Variants in CDH12 observed in about 807,000 individuals in gnomAD.
CDH12 encodes the protein cadherin-12.
In CDH12, 41 loss-of-function variants were observed where a neutral mutation model predicts 74.1. The observed-to-expected ratio is 0.55, with a 90% confidence interval of 0.43 to 0.72. The LOEUF (loss-of-function observed/expected upper bound fraction) is 0.72. Ranked by LOEUF, CDH12 falls within the 30% of genes least tolerant of loss-of-function variation. The pLI is 0.00. For synonymous variants in CDH12, 399 were observed against 355.0 expected (o/e 1.12, Z -1.39); for missense variants, 945 against 977.2 (o/e 0.97, Z 0.44).
intron 1 of CDH12, among the ~76,000 whole-genome samples, chr5:22,588,983 C>G (rs980508990): frequency 3.3e-5 from 5 of 152,086 alleles, no homozygotes; most frequent in Admixed American, 3.3e-4. Flanking sequence ...TATAACAGCC[C>G]TGTGTTAGAT....
At chr5:22,790,068 G>A (rs1747831445) in intron 1 of CDH12, among the ~76,000 whole-genome samples, 1 of 152,034 alleles carries the variant, frequency 6.6e-6, no homozygotes, top group African/African-American at 2.4e-5. Flanking sequence ...CTGCTTTTAA[G>A]TCAAGTGATG....
intron 1 of CDH12, among the ~76,000 whole-genome samples, chr5:22,768,898 C>T (rs1315146297): frequency 6.6e-6 from 1 of 152,152 alleles, no homozygotes; most frequent in Non-Finnish European, 1.5e-5. Flanking sequence ...AGATGTTCCT[C>T]TTCTAATATC....
intron 4 of CDH12, among the ~76,000 whole-genome samples, chr5:22,149,146 A>G (rs1365379201): frequency 6.6e-6 from 1 of 152,150 alleles, no homozygotes; most frequent in East Asian, 1.9e-4. Context: ...GATACTAATC[A>G]TTGAATTTAG....
intron 2 of CDH12, among the ~76,000 whole-genome samples, chr5:22,464,734 G>A (rs554210256): frequency 6.6e-6 from 1 of 152,104 alleles, no homozygotes; most frequent in African/African-American, 2.4e-5. Context: ...AGGCACGGTG[G>A]CTCACGCCTG....
intron 1 of CDH12, among the ~76,000 whole-genome samples, chr5:22,567,186 T>C (rs911844712): frequency 2.0e-4 from 30 of 152,096 alleles, no homozygotes; most frequent in African/African-American, 7.0e-4. Context: ...TTCCTGAAAA[T>C]GCCTCAGTTC....
At chr5:22,525,805 G>A (rs1363589465) in intron 1 of CDH12, among the ~76,000 whole-genome samples, 1 of 152,150 alleles carries the variant, frequency 6.6e-6, no homozygotes, top group Non-Finnish European at 1.5e-5. Context: ...AAAACCTGGT[G>A]TTAAAAATTT....
chr5:22,782,219 A>T (rs2126351434), intron 1 of CDH12, among the ~76,000 whole-genome samples: 1 of 152,270 alleles, frequency 6.6e-6, no homozygotes, highest in Non-Finnish European at 1.5e-5. Flanking sequence ...TGTGAAAAGA[A>T]CATGAGATTT....
rs750157329 is a variant in CDH12 at position 21,817,031 on chromosome 5, A to G, written c.916T>C (p.Tyr306His). 4 of 1,612,720 alleles carry G rather than the reference A, an allele frequency of 2.5e-6. No individual in the cohort carries two copies. Among genetic ancestry groups the G allele is most frequent in the Non-Finnish European group, 3.4e-6 (4 of 1,179,074 alleles). The change falls in exon 9 of 15, where the codon TAC (tyrosine) becomes CAC (histidine). Residue 306 changes from tyrosine (Y) to histidine (H), a missense_variant. This residue lies in a region of CDH12 where 791 missense variants were observed against 792.8 expected (regional missense o/e 1.00). Transcript: ENST00000382254. ...CCCCCATCTCCTGGAACAATATTGTATTCAATTTCTGCATTTTGTCCAAAA... is the reference window on the plus strand; with the variant it reads ...CCCCCATCTCCTGGAACAATATTGTGTTCAATTTCTGCATTTTGTCCAAAA... The part of the protein sequence containing the change: ...PDFGQNAEIE[Y>H]NIVPGDGGNL...
intron 3 of CDH12, among the ~76,000 whole-genome samples, chr5:22,284,210 GA>G (rs1345061788): frequency 6.6e-6 from 1 of 152,148 alleles, no homozygotes; most frequent in African/African-American, 2.4e-5. Context: ...GATGATACGA[GA>G]AAAAAGTAGT....
At chr5:22,377,985 T>A (rs148531428) in intron 3 of CDH12, among the ~76,000 whole-genome samples, 1 of 152,204 alleles carries the variant, frequency 6.6e-6, no homozygotes, top group Non-Finnish European at 1.5e-5. Flanking sequence ...AATGGAGAAA[T>A]ATTGTTTTCA....
chr5:22,091,311 G>C (rs1743419642), intron 4 of CDH12, among the ~76,000 whole-genome samples: 1 of 149,284 alleles, frequency 6.7e-6, no homozygotes, highest in Admixed American at 6.8e-5. Flanking sequence ...GAGAGAGAGA[G>C]AGAAACAGAG....
intron 1 of CDH12, among the ~76,000 whole-genome samples, chr5:22,828,789 T>C (rs1416577603): frequency 6.6e-6 from 1 of 152,124 alleles, no homozygotes; most frequent in Non-Finnish European, 1.5e-5. Flanking sequence ...ATGACAGGAA[T>C]GATGTACATG....
chr5:21,778,466 C>CA (rs70957061), intron 11 of CDH12, among the ~76,000 whole-genome samples: 3,397 of 52,134 alleles, frequency 0.065, 77 homozygotes, highest in East Asian at 0.14. Context: ...GCATATAAGC[C>CA]AAAAAAAAAA....
chr5:22,471,274 G>C (rs1745947873), intron 2 of CDH12, among the ~76,000 whole-genome samples: 1 of 152,080 alleles, frequency 6.6e-6, no homozygotes, highest in South Asian at 2.1e-4. Context: ...CTGCAGGTTT[G>C]TATGTATATG....
At chr5:22,747,056 G>T (rs1010747532) in intron 1 of CDH12, among the ~76,000 whole-genome samples, 1 of 152,102 alleles carries the variant, frequency 6.6e-6, no homozygotes, top group Non-Finnish European at 1.5e-5. Context: ...TCATTTTGAT[G>T]TCCTAGTTCA....
chr5:21,758,756 A>ATAAG (rs980405610), intron 13 of CDH12, among the ~76,000 whole-genome samples: 1 of 152,178 alleles, frequency 6.6e-6, no homozygotes, highest in Non-Finnish European at 1.5e-5. Context: ...TAGTAGAAGA[A>ATAAG]TAAGTGTACA....
rs181572038 is a variant in CDH12, at chr5:22,138,643, T to A, written c.-186-59781A>T. Among the ~76,000 whole-genome samples the A allele has an allele frequency of 9.8e-3, 1,474 of 150,500 alleles. 22 individuals are homozygous for A. The highest frequency in any genetic ancestry group is 0.033 in the African/African-American group (1,363 of 41,302). ...TTAACACATCAGGTGCATGTTTGAA[T>A]ACAAATAAGATCAAATAGGTCTTGA... On this transcript the variant is annotated intron_variant, in intron 4 of 14. Transcript: ENST00000382254.
intron 5 of CDH12, among the ~76,000 whole-genome samples, chr5:22,000,129 A>T (rs2963629): frequency 6.6e-6 from 1 of 151,910 alleles, no homozygotes; most frequent in Non-Finnish European, 1.5e-5. Flanking sequence ...CTTTTTTCTT[A>T]TTAAAATTAT....
chr5:22,487,647 T>A (rs919299554), intron 2 of CDH12, among the ~76,000 whole-genome samples: 3 of 152,086 alleles, frequency 2.0e-5, no homozygotes, highest in Admixed American at 6.6e-5. Context: ...ATATATAAAT[T>A]AGAGATGCAA....
Sources: allele counts gnomAD v4.1 joint callset (sites outside exome capture counted in the v4.1 genomes callset), GRCh38; gene constraint gnomAD v4.1.1; regional missense constraint gnomAD v4.1.1; transcripts MANE v1.5; gene names NCBI Gene and HGNC (gene_info 2026-07-23, HGNC 2026-07-21).